SRGN: variants seen among roughly 807,000 people sequenced by gnomAD.
SRGN encodes hematopoetic proteoglycan core peptide.
In SRGN, 2 loss-of-function variants were observed where a neutral mutation model predicts 9.5. That is an observed-to-expected ratio of 0.21 (90% CI 0.09 to 0.66). The LOEUF (loss-of-function observed/expected upper bound fraction) is 0.66. SRGN is among the 30% of genes least tolerant of loss of function. The pLI is 0.83. For missense variants in SRGN, 170 were observed against 192.4 expected, an observed-to-expected ratio of 0.88 and a Z score of 0.69; for synonymous variants, 59 against 72.3, an observed-to-expected ratio of 0.82 and a Z score of 0.93.
intron 1 of SRGN, among the ~76,000 whole-genome samples, chr10:69,096,747 A>G (rs1288435742): frequency 6.6e-6 from 1 of 152,158 alleles, no homozygotes; most frequent in Non-Finnish European, 1.5e-5. Context: ...AGGCCAAGGC[A>G]GGAGGACTGC....
In SRGN at chr10:69,104,779, A is replaced by T. The variant is rs536252152; in HGVS notation, c.*659A>T. ...TATCTGTGTATTTTCAAATGTTACT[A>T]TATATTAAAGCAGAAATATAACCAA... is the stretch of plus-strand genomic sequence containing the variant. On this transcript the variant is annotated 3_prime_UTR_variant, in exon 3 of 3. Coordinates refer to ENST00000242465, the MANE Select transcript of SRGN (RefSeq NM_002727.4). 6.6e-6 allele frequency: 1 copy of T among 152,262 alleles called. No individual in the cohort carries two copies. The highest frequency in any genetic ancestry group is 1.5e-5 in the Non-Finnish European group (1 of 68,022). 9.4% of individuals were successfully genotyped at this position (152,262 alleles called of 1,614,324 possible).
intron 1 of SRGN, 143 bp from the exon 2 acceptor site, chr10:69,096,941 C>T (rs183759678): frequency 3.0e-4 from 202 of 671,650 alleles, no homozygotes; most frequent in African/African-American, 2.7e-3. Context: ...TTGCAGTGAG[C>T]TATGATCACA....
chr10:69,099,759 G>C (rs986665701), intron 2 of SRGN, among the ~76,000 whole-genome samples: 4 of 152,170 alleles, frequency 2.6e-5, no homozygotes, highest in Non-Finnish European at 5.9e-5. Context: ...TAATATTACA[G>C]CATCCTTCAT....
chr10:69,100,067 A>G (rs1840257632), intron 2 of SRGN, among the ~76,000 whole-genome samples: 3 of 152,078 alleles, frequency 2.0e-5, no homozygotes, highest in African/African-American at 7.2e-5. Flanking sequence ...CTAAAAATAC[A>G]AAAATTAGCT....
At chr10:69,097,791 T>C (rs1840209408) in intron 2 of SRGN, among the ~76,000 whole-genome samples, 1 of 152,158 alleles carries the variant, frequency 6.6e-6, no homozygotes, top group South Asian at 2.1e-4. Flanking sequence ...CTCAAACTCC[T>C]GACCTCAGGT....
At chr10:69,099,161 T>C (rs2132159320) in intron 2 of SRGN, among the ~76,000 whole-genome samples, 1 of 152,188 alleles carries the variant, frequency 6.6e-6, no homozygotes, top group East Asian at 1.9e-4. Context: ...TGTAGCAAAA[T>C]ATACATATTA....
intron 1 of SRGN, among the ~76,000 whole-genome samples, chr10:69,093,367 T>C (rs1019431645): frequency 2.6e-5 from 4 of 152,226 alleles, no homozygotes; most frequent in Admixed American, 2.0e-4. Flanking sequence ...CCTGTTTCTT[T>C]TTACTTTTAA....
In SRGN at chr10:69,088,228, C is replaced by T. The variant is rs1391929406; in HGVS notation, c.71C>T (p.Ser24Leu). The T allele has an allele frequency of 1.2e-6, 2 of 1,613,958 alleles. No individual in the cohort carries two copies. The highest frequency in any genetic ancestry group is 1.7e-6 in the Non-Finnish European group (2 of 1,179,958). The change falls in exon 1 of 3, where the codon TCA becomes TTA. Residue 24 changes from serine to leucine, a missense_variant. Coordinates refer to ENST00000242465, the MANE Select transcript of SRGN (RefSeq NM_002727.4). The part of the protein sequence containing the change: ...ALALILVLES[S>L]VQGYPTRRAR... ...GCCCTCATCCTGGTTCTGGAATCCT[C>T]AGTTCAAGGTAAGACTCAGGAGTCT...
chr10:69,097,098 A>G lies in SRGN; in HGVS notation c.94A>G (p.Arg32Gly), dbSNP rs781194077. Residue 32 changes from arginine to glycine, a missense_variant, in exon 2 of 3, where the codon AGA becomes GGA. By Grantham distance (125) the Arg-to-Gly change is moderately radical. Coordinates refer to ENST00000242465, the MANE Select transcript of SRGN (RefSeq NM_002727.4). ...ESSVQGYPTR[R>G]ARYQWVRCNP... ...TCCTCGGGCAGGTTATCCTACGCGGAGAGCCAGGTACCAATGGGTGCGCTG... is the reference window on the plus strand; with the variant it reads ...TCCTCGGGCAGGTTATCCTACGCGGGGAGCCAGGTACCAATGGGTGCGCTG... 3 of 1,613,986 alleles carry G rather than the reference A, an allele frequency of 1.9e-6. No individual in the cohort carries two copies. The South Asian group carries it at 3.3e-5, about 18-fold the overall frequency.
At chr10:69,103,819 C>T in intron 2 of SRGN, 52 bp from the exon 3 acceptor site, 1 of 1,579,024 alleles carries the variant, frequency 6.3e-7, no homozygotes, top group South Asian at 1.1e-5. Context: ...AATTATCTTT[C>T]CCACATATCA....
chr10:69,104,329 C>A lies in SRGN; in HGVS notation c.*209C>A. 2.0e-6 allele frequency: 1 copy of A among 502,754 alleles called. No homozygotes were observed. Among genetic ancestry groups the A allele is most frequent in the Non-Finnish European group, 3.1e-6 (1 of 324,338 alleles). The allele number at this position is 502,754 out of a possible 1,614,324, so 31.1% of individuals were successfully genotyped here. A position where few individuals can be genotyped will look rare whatever the true frequency, so the allele number is the denominator to read the frequency against. ...TCTATTTTATTGTTCTTGAAAATACCTGCATTTTTTGGTATCATGTTCAAC... is the reference window on the plus strand; with the variant it reads ...TCTATTTTATTGTTCTTGAAAATACATGCATTTTTTGGTATCATGTTCAAC... On this transcript the variant is annotated 3_prime_UTR_variant, in exon 3 of 3. Transcript: ENST00000242465.
intron 1 of SRGN, among the ~76,000 whole-genome samples, chr10:69,092,794 CAA>C (rs11456015): frequency 5.9e-5 from 7 of 118,070 alleles, no homozygotes; most frequent in Admixed American, 1.9e-4. Flanking sequence ...ACTCTGTCTC[CAA>C]AAAAAAAAAA....
chr10:69,089,139 G>A (rs989269344), intron 1 of SRGN, among the ~76,000 whole-genome samples: 7 of 152,134 alleles, frequency 4.6e-5, no homozygotes, highest in Non-Finnish European at 8.8e-5. Flanking sequence ...TCGTCAAAGC[G>A]ACTTTTGGTT....
At position 69,103,963 on chromosome 10, in the gene SRGN, G is replaced by A. The variant is rs533607036; in HGVS notation, c.320G>A (p.Gly107Glu). 12 of 1,614,218 alleles carry A rather than the reference G, an allele frequency of 7.4e-6. No homozygotes were observed. The Admixed American group carries it at 1.3e-4, about 18-fold the overall frequency. The change falls in exon 3 of 3, where the codon GGA (glycine) becomes GAA (glutamate). Residue 107 changes from glycine (G) to glutamate (E), a missense_variant. Coordinates refer to ENST00000242465, the MANE Select transcript of SRGN (RefSeq NM_002727.4). ...GFGSGSGSGS[G>E]SGSGFLTEME... is the part of the protein sequence containing the mutation. ...GGCTCCGGCTCCGGCTCTGGATCAG[G>A]ATCTGGGAGTGGCTTCCTAACGGAA...
At position 69,104,287 on chromosome 10, in the gene SRGN, A is replaced by G. The variant is rs930077409; in HGVS notation, c.*167A>G. 1 of 892,258 alleles carries G rather than the reference A, an allele frequency of 1.1e-6. No individual in the cohort carries two copies. Among genetic ancestry groups the G allele is most frequent in the South Asian group, 2.0e-5 (1 of 50,076 alleles). The allele number at this position is 892,258 out of a possible 1,614,324, so 55.3% of individuals were successfully genotyped here. Reference sequence around the variant, plus strand: ...TTTTCTCATGAATTCTTAAAGGATTATGCTTTAATGCTGTTATCTATTTTA... The same window carrying G: ...TTTTCTCATGAATTCTTAAAGGATTGTGCTTTAATGCTGTTATCTATTTTA... On this transcript the variant is annotated 3_prime_UTR_variant, in exon 3 of 3. Coordinates refer to ENST00000242465, the MANE Select transcript of SRGN (RefSeq NM_002727.4).
intron 1 of SRGN, among the ~76,000 whole-genome samples, chr10:69,093,719 T>C (rs184656700): frequency 3.3e-5 from 5 of 152,006 alleles, no homozygotes; most frequent in African/African-American, 2.4e-5. Context: ...TACAAAAAAT[T>C]AGCCGGGCAT....
At chr10:69,103,277 G>A (rs1840327100) in intron 2 of SRGN, among the ~76,000 whole-genome samples, 1 of 140,520 alleles carries the variant, frequency 7.1e-6, no homozygotes, top group Non-Finnish European at 1.6e-5. Flanking sequence ...TGGGCCGGGT[G>A]CAGTGGCTCA....
At chr10:69,092,794 CAAAAA>C (rs11456015) in intron 1 of SRGN, among the ~76,000 whole-genome samples, 1 of 118,098 alleles carries the variant, frequency 8.5e-6, no homozygotes. Context: ...ACTCTGTCTC[CAAAAA>C]AAAAAAAAAA....
rs1840361207 is a variant in SRGN at position 69,104,559 on chromosome 10, G to T, written c.*439G>T. 6.4e-6 allele frequency: 1 copy of T among 156,202 alleles called. No homozygotes were observed. Among genetic ancestry groups the T allele is most frequent in the African/African-American group, 2.4e-5 (1 of 41,384 alleles). 9.7% of individuals were successfully genotyped at this position (156,202 alleles called of 1,614,324 possible). On this transcript the variant is annotated 3_prime_UTR_variant, in exon 3 of 3. Transcript: ENST00000242465. ...AAAAATAATGAAACACAGTGAATTT[G>T]TAGAGTGGGGGTATTTGACATATTT... is the stretch of plus-strand genomic sequence containing the variant.
Sources: allele counts gnomAD v4.1 joint callset (sites outside exome capture counted in the v4.1 genomes callset), GRCh38; gene constraint gnomAD v4.1.1; transcripts MANE v1.5; gene names NCBI Gene and HGNC (gene_info 2026-07-23, HGNC 2026-07-21).